Variants in CLVS1 observed in about 807,000 individuals in gnomAD.
CLVS1 encodes clavesin 1.
In CLVS1, 10 loss-of-function variants were observed where a neutral mutation model predicts 33.1. The ratio of observed to expected loss-of-function variants is 0.30; its 90% confidence interval spans 0.19 to 0.51. CLVS1 has a LOEUF of 0.51. Among genes scored for constraint, CLVS1 ranks in the 20% least tolerant of loss-of-function variants. CLVS1 has a pLI of 0.97. For missense variants in CLVS1, 343 were observed against 433.4 expected (o/e 0.79, Z 1.85); for synonymous variants, 163 against 166.1 (o/e 0.98, Z 0.14).
chr8:61,422,306 A>G lies in CLVS1; in HGVS notation c.631-31835A>G, dbSNP rs571426168. Among the ~76,000 whole-genome samples, 3 of 152,326 alleles carry G rather than the reference A, an allele frequency of 2.0e-5. No homozygotes were observed. The South Asian group carries it at 6.2e-4, about 32-fold the overall frequency. On this transcript the variant is annotated intron_variant, in intron 3 of 5. Transcript: ENST00000325897. ...ACGTGAACTCAGTCATTTAGTGACT[A>G]TTTACCAAGTCCTCTCTAGTTCCTG... is the stretch of plus-strand genomic sequence containing the variant.
intron 2 of CLVS1, among the ~76,000 whole-genome samples, chr8:61,175,305 G>A (rs953942954): frequency 2.2e-4 from 33 of 152,156 alleles, no homozygotes; most frequent in African/African-American, 8.0e-4. Flanking sequence ...CCAGAGAGCT[G>A]ACTTGTGCTT....
At chr8:61,172,206 A>G (rs1324983730) in intron 2 of CLVS1, among the ~76,000 whole-genome samples, 2 of 152,174 alleles carry the variant, frequency 1.3e-5, no homozygotes, top group Non-Finnish European at 2.9e-5. Flanking sequence ...AGGTTACATA[A>G]AAGGCATTTG....
intron 5 of CLVS1, among the ~76,000 whole-genome samples, chr8:61,479,119 C>T (rs950059193): frequency 2.0e-5 from 3 of 152,084 alleles, no homozygotes; most frequent in South Asian, 2.1e-4. Flanking sequence ...TGAATTTGAA[C>T]GTTGGCCTGC....
At chr8:61,322,732 G>C (rs1811241609) in intron 2 of CLVS1, among the ~76,000 whole-genome samples, 1 of 152,086 alleles carries the variant, frequency 6.6e-6, no homozygotes, top group Admixed American at 6.6e-5. Context: ...GCCTACTCTT[G>C]CTCTTTTTGG....
chr8:61,061,330 G>A (rs1804579897), intron 1 of CLVS1, among the ~76,000 whole-genome samples: 1 of 152,088 alleles, frequency 6.6e-6, no homozygotes, highest in Non-Finnish European at 1.5e-5. Context: ...TCTTTTTCTT[G>A]CTGTTCCAGA....
intron 2 of CLVS1, among the ~76,000 whole-genome samples, chr8:61,231,723 C>T (rs992057841): frequency 6.6e-6 from 1 of 152,212 alleles, no homozygotes; most frequent in African/African-American, 2.4e-5. Context: ...TCCCAGACAA[C>T]AGAATCTGAA....
At chr8:61,413,710 A>G (rs1009565928) in intron 3 of CLVS1, among the ~76,000 whole-genome samples, 1 of 152,130 alleles carries the variant, frequency 6.6e-6, no homozygotes, top group African/African-American at 2.4e-5. Context: ...GTTTCATGGG[A>G]TGGACTGGGG....
intron 2 of CLVS1, among the ~76,000 whole-genome samples, chr8:61,278,302 T>C (rs1046886869): frequency 4.6e-5 from 7 of 152,240 alleles, no homozygotes; most frequent in African/African-American, 1.7e-4. Flanking sequence ...ATAAAAATAC[T>C]CCAGTAAGCT....
intron 3 of CLVS1, among the ~76,000 whole-genome samples, chr8:61,440,068 C>T (rs1388654128): frequency 1.3e-5 from 2 of 152,204 alleles, no homozygotes; most frequent in Non-Finnish European, 2.9e-5. Context: ...AATCTAAACT[C>T]TGCATCTTCT....
In CLVS1 at chr8:61,357,489, C is replaced by CTTTTTTTTTTTTT. The variant is rs1462908906; in HGVS notation, c.456-19112_456-19111insTTTTTTTTTTTTT. ...TTTTCCTTCTTTTTCTTTCCTTTTT[C>CTTTTTTTTTTTTT]TTTTCTTTTTTTTTTTTTTTTTTTT... On this transcript the variant is annotated intron_variant, in intron 2 of 5. Transcript: ENST00000325897. 3.3e-4 allele frequency among the ~76,000 whole-genome samples: 10 copies of CTTTTTTTTTTTTT among 30,262 alleles called. No individual in the cohort carries two copies. The East Asian group carries it at 7.7e-3, about 23-fold the overall frequency. 19.9% of individuals were successfully genotyped at this position (30,262 alleles called of 152,430 possible).
intron 2 of CLVS1, among the ~76,000 whole-genome samples, chr8:61,238,536 C>T (rs529520238): frequency 2.6e-5 from 4 of 152,148 alleles, no homozygotes; most frequent in African/African-American, 4.8e-5. Flanking sequence ...CTTCCCTTGG[C>T]GAATGGCTTC....
intron 2 of CLVS1, among the ~76,000 whole-genome samples, chr8:61,321,585 A>G (rs1811196396): frequency 6.6e-6 from 1 of 151,954 alleles, no homozygotes; most frequent in South Asian, 2.1e-4. Flanking sequence ...TTCAGCCAAC[A>G]TTTCCCATAT....
upstream of CLVS1, among the ~76,000 whole-genome samples, chr8:61,055,337 A>G (rs916156660): frequency 2.6e-5 from 4 of 152,228 alleles, no homozygotes; most frequent in Non-Finnish European, 4.4e-5. Flanking sequence ...TCAATCTTCT[A>G]TAGTCACAAA....
chr8:61,322,431 T>C lies in CLVS1; in HGVS notation c.455+22149T>C, dbSNP rs565498024. ...TGAGCCTCACATGAGGGATGAGAGA[T>C]GGAATGATAAGTAACTGGAATGTCA... On this transcript the variant is annotated intron_variant, in intron 2 of 5. Coordinates refer to ENST00000325897, the MANE Select transcript of CLVS1 (RefSeq NM_173519.3). Among the ~76,000 whole-genome samples the C allele has an allele frequency of 1.1e-3, 163 of 152,250 alleles. 3 individuals carry two copies. The highest frequency in any genetic ancestry group is 9.4e-3 in the Admixed American group (143 of 15,292).
chr8:61,491,522 T>A (rs1376883971), intron 5 of CLVS1, among the ~76,000 whole-genome samples: 1 of 152,244 alleles, frequency 6.6e-6, no homozygotes, highest in Non-Finnish European at 1.5e-5. Flanking sequence ...TGAAGCTTTT[T>A]AAATAAGAAA....
intron 2 of CLVS1, among the ~76,000 whole-genome samples, chr8:61,255,800 G>A (rs539178648): frequency 1.3e-5 from 2 of 152,306 alleles, no homozygotes; most frequent in East Asian, 3.9e-4. Context: ...ACTATAAGAA[G>A]TAGGCCTTAC....
chr8:61,221,844 T>C (rs1808225541), intron 2 of CLVS1, among the ~76,000 whole-genome samples: 1 of 152,210 alleles, frequency 6.6e-6, no homozygotes, highest in Non-Finnish European at 1.5e-5. Flanking sequence ...GGTTGTCAAT[T>C]ATTGCCTCAA....
intron 1 of CLVS1, among the ~76,000 whole-genome samples, chr8:61,068,949 C>G (rs1804736209): frequency 6.6e-6 from 1 of 152,174 alleles, no homozygotes; most frequent in Non-Finnish European, 1.5e-5. Flanking sequence ...ATTTGTCCCT[C>G]TTCCACAGTG....
At chr8:61,482,677 A>G (rs1001594743) in intron 5 of CLVS1, among the ~76,000 whole-genome samples, 22 of 152,188 alleles carry the variant, frequency 1.4e-4, no homozygotes, top group African/African-American at 5.3e-4. Context: ...AAAGAAATGA[A>G]CAAAGCCTCC....
Sources: allele counts gnomAD v4.1 joint callset (sites outside exome capture counted in the v4.1 genomes callset), GRCh38; gene constraint gnomAD v4.1.1; transcripts MANE v1.5; gene names NCBI Gene and HGNC (gene_info 2026-07-23, HGNC 2026-07-21).